Variants in IFI16 observed in about 807,000 individuals in gnomAD.
IFI16 encodes gamma-interferon-inducible protein 16.
Under a neutral mutation model 68.4 loss-of-function variants are expected in IFI16, and 49 were observed. The observed-to-expected ratio is 0.72, with a 90% confidence interval of 0.57 to 0.91. The LOEUF (loss-of-function observed/expected upper bound fraction) is 0.91, where lower values mean the gene tolerates loss of function less well. Ranked by LOEUF, IFI16 falls within the 40% of genes least tolerant of loss-of-function variation. The pLI, the probability that IFI16 is intolerant of heterozygous loss-of-function variation, is 0.00. For missense variants in IFI16, 878 were observed against 942.9 expected (o/e 0.93, Z 0.90); for synonymous variants, 307 against 315.0 (o/e 0.97, Z 0.27).
intron 6 of IFI16, among the ~76,000 whole-genome samples, chr1:159,023,146 T>C (rs1038852643): frequency 2.0e-5 from 3 of 152,170 alleles, no homozygotes; most frequent in African/African-American, 7.2e-5. Flanking sequence ...ACCAATGTTT[T>C]ATTATTTTAG....
At chr1:159,025,395 T>A (rs965393180) in intron 6 of IFI16, among the ~76,000 whole-genome samples, 2 of 152,260 alleles carry the variant, frequency 1.3e-5, no homozygotes, top group African/African-American at 4.8e-5. Context: ...ATAAGTTAAA[T>A]TTTACCTTTA....
At chr1:159,036,039 G>T (rs1392739907) in intron 7 of IFI16, among the ~76,000 whole-genome samples, 1 of 152,122 alleles carries the variant, frequency 6.6e-6, no homozygotes, top group Non-Finnish European at 1.5e-5. Flanking sequence ...ATACCAACTC[G>T]ATCTAGGGTT....
At chr1:159,049,755 T>C (rs971756591) in intron 9 of IFI16, among the ~76,000 whole-genome samples, 156 bp downstream of exon 9, 8 of 152,256 alleles carry the variant, frequency 5.3e-5, no homozygotes, top group Non-Finnish European at 1.0e-4. Flanking sequence ...TTTGAGGTCC[T>C]ATCCAAAATT....
chr1:159,021,989 A>G (rs1653354675), intron 6 of IFI16, among the ~76,000 whole-genome samples: 1 of 97,776 alleles, frequency 1.0e-5, no homozygotes, highest in African/African-American at 4.2e-5. Flanking sequence ...TTTGAGACAG[A>G]GTCTTGCTCT....
Position 159,032,544 on chromosome 1 carries a change from G to A in IFI16, c.1182G>A (p.Pro394=), listed in dbSNP as rs755617878. ...TTCAGATAAAGAAAAAAACAAACCC[G>A]AGAAACAATGACCCCAAGAGCATGA... ...SFIQIKKKTN[P]RNNDPKSMKL... is the part of the protein sequence containing the mutation. The change falls in exon 7 of 12, where the codon CCG becomes CCA. Residue 394 remains proline, a synonymous_variant. Transcript: ENST00000295809. 8.9e-6 allele frequency: 14 copies of A among 1,579,906 alleles called. No individual in the cohort carries two copies. Among genetic ancestry groups the A allele is most frequent in the South Asian group, 8.2e-5 (7 of 85,632 alleles).
chr1:159,038,321 C>T (rs1654438478), intron 7 of IFI16, among the ~76,000 whole-genome samples: 1 of 152,058 alleles, frequency 6.6e-6, no homozygotes, highest in African/African-American at 2.4e-5. Flanking sequence ...GGTTTTATAG[C>T]CCTTTTTTCA....
At chr1:159,010,937 T>A (rs1159721183) in intron 1 of IFI16, among the ~76,000 whole-genome samples, 1 of 152,222 alleles carries the variant, frequency 6.6e-6, no homozygotes, top group Non-Finnish European at 1.5e-5. Context: ...CATGTGTGCT[T>A]AAATGGAATG....
At chr1:159,054,760 G>C (rs1655577517) in intron 11 of IFI16, 61 bp from the exon 12 acceptor site, 1 of 819,876 alleles carries the variant, frequency 1.2e-6, no homozygotes, top group Non-Finnish European at 2.1e-6. Flanking sequence ...TGTGATTGAA[G>C]GGAGAAATGT....
Position 159,018,424 on chromosome 1 carries a change from T to C in IFI16, c.745T>C (p.Leu249=). ...CCATGTGAAGGTTTTAAACACCAGCTTGAAGGAGAAATTCAATGGAAAGAA... is the reference window on the plus strand; with the variant it reads ...CCATGTGAAGGTTTTAAACACCAGCCTGAAGGAGAAATTCAATGGAAAGAA... ...FFHVKVLNTS[L]KEKFNGKKII... is the part of the protein sequence containing the mutation. Residue 249 remains leucine (L), a synonymous_variant, in exon 5 of 12, where the codon TTG becomes CTG. Coordinates refer to ENST00000295809, the MANE Select transcript of IFI16 (RefSeq NM_001376587.1). The C allele has an allele frequency of 6.2e-7, 1 of 1,613,940 alleles. No homozygotes were observed. Among genetic ancestry groups the C allele is most frequent in the Admixed American group, 1.7e-5 (1 of 60,022 alleles).
At chr1:159,015,840 A>G (rs1211694436) in intron 2 of IFI16, 32 bp from the exon 3 acceptor site, 9 of 1,493,922 alleles carry the variant, frequency 6.0e-6, no homozygotes, top group Non-Finnish European at 6.5e-6. Context: ...TTTTTTCTGC[A>G]TTGGTTGGGA....
chr1:159,023,938 A>G (rs565026022), intron 6 of IFI16, among the ~76,000 whole-genome samples: 2 of 152,308 alleles, frequency 1.3e-5, no homozygotes, highest in East Asian at 3.9e-4. Context: ...ATTGAGTTTC[A>G]GGAAATAACA....
At chr1:159,052,706 TAAA>T (rs1415453449) in intron 10 of IFI16, 1 of 147,238 alleles carries the variant, frequency 6.8e-6, no homozygotes, top group Non-Finnish European at 1.5e-5. Context: ...GCAAAAAGAC[TAAA>T]AAAGTCACGT....
intron 5 of IFI16, among the ~76,000 whole-genome samples, chr1:159,019,447 G>A (rs139086514): frequency 1.8e-3 from 278 of 150,282 alleles, no homozygotes; most frequent in African/African-American, 6.5e-3. Flanking sequence ...ATTAACCTGC[G>A]TTACTTTCTG....
At position 159,052,290 on chromosome 1, in the gene IFI16, T is replaced by A. The variant is rs1655414583; in HGVS notation, c.2085+192T>A. ...GTACGTTATATTGTAACATTCCTCT[T>A]CTTAAGGTATCATCATGCAAGTTAT... On this transcript the variant is annotated intron_variant, in intron 10 of 11. Transcript: ENST00000295809. 7.0e-6 allele frequency: 4 copies of A among 574,158 alleles called. No individual in the cohort carries two copies. The East Asian group carries it at 1.1e-4, about 16-fold the overall frequency. The allele number at this position is 574,158 out of a possible 1,614,324, so 35.6% of individuals were successfully genotyped here.
At chr1:159,047,338 G>T (rs1301824192) in intron 8 of IFI16, among the ~76,000 whole-genome samples, 1 of 148,828 alleles carries the variant, frequency 6.7e-6, no homozygotes, top group Non-Finnish European at 1.5e-5. Flanking sequence ...GGTTCTTCTT[G>T]GGCAGAACTA....
intron 10 of IFI16, 83 bp from the exon 11 acceptor site, chr1:159,053,450 T>G: frequency 2.0e-6 from 2 of 993,672 alleles, no homozygotes; most frequent in South Asian, 3.1e-5. Context: ...AAGACAAAAG[T>G]TTCCAGAAAC....
rs1400899152 is a variant in IFI16, at chr1:159,018,460, A to AT, written c.782dup (p.Ser262IlefsTer7). 14 of 1,613,104 alleles carry AT rather than the reference A, an allele frequency of 8.7e-6. No homozygotes were observed. Among genetic ancestry groups the AT allele is most frequent in the Non-Finnish European group, 1.2e-5 (14 of 1,179,116 alleles). The stretch of plus-strand genomic sequence containing the variant: ...ATTCAATGGAAAGAAAATCATCATC[A>AT]TATCAGATTATTTGGAATATGATAG... On this transcript the variant is annotated frameshift_variant, in exon 5 of 12. Coordinates refer to ENST00000295809, the MANE Select transcript of IFI16 (RefSeq NM_001376587.1). LOFTEE classifies it high-confidence loss of function.
chr1:159,001,942 TAC>T (rs1340456211), upstream of IFI16, among the ~76,000 whole-genome samples: 1 of 152,210 alleles, frequency 6.6e-6, no homozygotes, highest in Non-Finnish European at 1.5e-5. Flanking sequence ...TATGGTCCTG[TAC>T]CATGCATAAT....
chr1:159,000,822 T>G (rs1046297991), intron 1 of IFI16, among the ~76,000 whole-genome samples: 1 of 152,108 alleles, frequency 6.6e-6, no homozygotes, highest in African/African-American at 2.4e-5. Flanking sequence ...TGGGGGTGGA[T>G]CCCTCATGAA....
Sources: allele counts gnomAD v4.1 joint callset (sites outside exome capture counted in the v4.1 genomes callset), GRCh38; gene constraint gnomAD v4.1.1; transcripts MANE v1.5; gene names NCBI Gene and HGNC (gene_info 2026-07-23, HGNC 2026-07-21).